Variants in IL12RB2 observed in about 807,000 individuals in gnomAD.
IL12RB2 encodes the protein interleukin 12 receptor subunit beta 2.
Under a neutral mutation model 89.4 loss-of-function variants are expected in IL12RB2, and 82 were observed. The ratio of observed to expected loss-of-function variants is 0.92; its 90% CI spans 0.77 to 1.10. The LOEUF (loss-of-function observed/expected upper bound fraction) is 1.10. Ranked by LOEUF, IL12RB2 falls within the 50% of genes least tolerant of loss-of-function variation. IL12RB2 has a pLI of 0.00. For synonymous variants in IL12RB2, 368 were observed against 370.1 expected (o/e 0.99, Z 0.07); for missense variants, 963 against 1,031.9 (o/e 0.93, Z 0.92).
At chr1:67,339,131 T>C (rs1288448682) in intron 9 of IL12RB2, among the ~76,000 whole-genome samples, 1 of 152,056 alleles carries the variant, frequency 6.6e-6, no homozygotes. Flanking sequence ...TGTTAAGTCA[T>C]TGAAGAGGGA....
intron 9 of IL12RB2, among the ~76,000 whole-genome samples, chr1:67,339,474 G>A (rs1347533233): frequency 6.9e-6 from 1 of 145,770 alleles, no homozygotes; most frequent in African/African-American, 2.6e-5. Context: ...GTGACAGAGT[G>A]AGACTACGTT....
In IL12RB2 at chr1:67,347,109, C is replaced by T. The variant is rs1270608007; in HGVS notation, c.1039-3761C>T. On this transcript the variant is annotated intron_variant, in intron 9 of 16. Transcript: ENST00000674203. ...AGGCTCAAAAAGGGAAAATAATTTG[C>T]CCAAGGTCATACAGCTGCTATGTGG... 2.0e-5 allele frequency among the ~76,000 whole-genome samples: 3 copies of T among 151,990 alleles called. No homozygotes were observed. The East Asian group carries it at 5.8e-4, about 29-fold the overall frequency.
chr1:67,390,020 T>C lies in IL12RB2; in HGVS notation c.1947-9T>C, dbSNP rs770579936. The C allele has an allele frequency of 5.6e-6, 6 of 1,072,936 alleles. No homozygotes were observed. The South Asian group carries it at 7.5e-5, about 13-fold the overall frequency. The allele number at this position is 1,072,936 out of a possible 1,614,324, so 66.5% of individuals were successfully genotyped here. ...CCTAAGGAAATGTCACTGTTTTCTT[T>C]ATCTATAGGGTGTTTGTTCTCCTAG... On this transcript the variant is annotated splice_polypyrimidine_tract_variant and intron_variant, in intron 15 of 16. Coordinates refer to ENST00000674203, the MANE Select transcript of IL12RB2 (RefSeq NM_001374259.2).
chr1:67,383,909 C>T (rs970294741), intron 14 of IL12RB2, among the ~76,000 whole-genome samples: 2 of 152,244 alleles, frequency 1.3e-5, no homozygotes, highest in Non-Finnish European at 2.9e-5. Context: ...GAGGTGGGCT[C>T]CCACAGCCTT....
At chr1:67,392,352 AT>A (rs1388001247) in intron 16 of IL12RB2, among the ~76,000 whole-genome samples, 1 of 152,176 alleles carries the variant, frequency 6.6e-6, no homozygotes, top group African/African-American at 2.4e-5. Context: ...AACTAAAAAA[AT>A]GACATAGATC....
chr1:67,359,463 T>C (rs1452387587), intron 10 of IL12RB2, among the ~76,000 whole-genome samples: 1 of 152,220 alleles, frequency 6.6e-6, no homozygotes, highest in Non-Finnish European at 1.5e-5. Context: ...GGCTTACACC[T>C]GTAATCCCAG....
In IL12RB2 at chr1:67,328,575, C is replaced by A. The variant is rs556767206; in HGVS notation, c.664+191C>A. Among the ~76,000 whole-genome samples, 171 of 152,258 alleles carry A rather than the reference C, an allele frequency of 1.1e-3. 4 individuals are homozygous for A. Among genetic ancestry groups the A allele is most frequent in the Non-Finnish European group, 1.8e-4 (12 of 68,020 alleles). Reference sequence around the variant, plus strand: ...TCTGAGCTATCTAAAGATGGCTATACAAAGTGGGATGTTCAACATTATTCT... The same window carrying A: ...TCTGAGCTATCTAAAGATGGCTATAAAAAGTGGGATGTTCAACATTATTCT... On this transcript the variant is annotated intron_variant, in intron 6 of 16. Transcript: ENST00000674203.
At position 67,398,063 on chromosome 1, in the gene IL12RB2, C is replaced by A. The variant is rs1188545982; in HGVS notation, c.*1974C>A. ...TTCCAAACTTAACACCTATAGTTCT[C>A]TCAGGCTTTTTTTGAAAAGTTCCTT... On this transcript the variant is annotated 3_prime_UTR_variant, in exon 17 of 17. Transcript: ENST00000674203. 1.3e-5 allele frequency among the ~76,000 whole-genome samples: 2 copies of A among 152,180 alleles called. No individual in the cohort carries two copies. Among genetic ancestry groups the A allele is most frequent in the Non-Finnish European group, 1.5e-5 (1 of 68,036 alleles).
intron 13 of IL12RB2, among the ~76,000 whole-genome samples, chr1:67,379,169 C>T (rs911591525): frequency 6.6e-6 from 1 of 151,376 alleles, no homozygotes; most frequent in Non-Finnish European, 1.5e-5. Flanking sequence ...TGCACTCTAG[C>T]CTGGGCGACA....
rs768955962 is a variant in IL12RB2, at chr1:67,321,787, C to G, written c.262C>G (p.Gln88Glu). The G allele has an allele frequency of 6.2e-7, 1 of 1,610,824 alleles. No homozygotes were observed. Among genetic ancestry groups the G allele is most frequent in the Admixed American group, 1.7e-5 (1 of 60,022 alleles). Residue 88 changes from glutamine to glutamate, a missense_variant, in exon 4 of 17, where the codon CAA (glutamine) becomes GAA (glutamate). Transcript: ENST00000674203. ...NFHHGHSLNS[Q>E]VTGLPLGTTL... ...TCACCATGGCCACTCCCTCAATTCT[C>G]AAGTCACAGGTCTTCCCCTTGGTAC...
In IL12RB2 at chr1:67,386,571, C is replaced by A; in HGVS notation, c.1856-8C>A. The A allele has an allele frequency of 6.2e-7, 1 of 1,603,660 alleles. No homozygotes were observed. Among genetic ancestry groups the A allele is most frequent in the Non-Finnish European group, 8.5e-7 (1 of 1,170,588 alleles). On this transcript the variant is annotated splice_polypyrimidine_tract_variant and splice_region_variant and intron_variant, in intron 14 of 16. Transcript: ENST00000674203. ...CTCACTCAGTCACAGGATTTCCTAACTTTTCAGGTAAAGCCAATTGGATGG... is the reference window on the plus strand; with the variant it reads ...CTCACTCAGTCACAGGATTTCCTAAATTTTCAGGTAAAGCCAATTGGATGG...
chr1:67,347,830 G>T (rs574878168), intron 9 of IL12RB2, among the ~76,000 whole-genome samples: 1 of 152,218 alleles, frequency 6.6e-6, no homozygotes, highest in African/African-American at 2.4e-5. Flanking sequence ...TCCCAGGGAT[G>T]CAAGACACAT....
At position 67,396,398 on chromosome 1, in the gene IL12RB2, A is replaced by G; in HGVS notation, c.*309A>G. ...CAGAAAGGGAAATGAGGAGGAGAGT[A>G]GAAACCACAGCTCTTAGTAGTAATG... is the stretch of plus-strand genomic sequence containing the variant. On this transcript the variant is annotated 3_prime_UTR_variant, in exon 17 of 17. Coordinates refer to ENST00000674203, the MANE Select transcript of IL12RB2 (RefSeq NM_001374259.2). 1 of 480,344 alleles carries G rather than the reference A, an allele frequency of 2.1e-6. No individual in the cohort carries two copies. Among genetic ancestry groups the G allele is most frequent in the Non-Finnish European group, 3.8e-6 (1 of 260,452 alleles). 29.8% of individuals were successfully genotyped at this position (480,344 alleles called of 1,614,324 possible). A position where few individuals can be genotyped will look rare whatever the true frequency, so the allele number is the denominator to read the frequency against.
chr1:67,344,786 G>A (rs1011026853), intron 9 of IL12RB2, among the ~76,000 whole-genome samples: 14 of 152,128 alleles, frequency 9.2e-5, no homozygotes, highest in Admixed American at 2.6e-4. Context: ...ATCTTGGCTC[G>A]GACTAGCCAT....
chr1:67,346,497 C>A (rs570004667), intron 9 of IL12RB2, among the ~76,000 whole-genome samples: 1 of 151,274 alleles, frequency 6.6e-6, no homozygotes, highest in East Asian at 2.0e-4. Context: ...AGCAATTCTC[C>A]CACCTCAGCC....
intron 11 of IL12RB2, among the ~76,000 whole-genome samples, chr1:67,368,369 A>G (rs554268712): frequency 1.3e-5 from 2 of 152,368 alleles, no homozygotes; most frequent in South Asian, 4.1e-4. Flanking sequence ...ATGATAATAC[A>G]TGAGGCCATC....
intron 1 of IL12RB2, among the ~76,000 whole-genome samples, chr1:67,310,733 GT>G (rs1180245339): frequency 6.6e-6 from 1 of 152,056 alleles, no homozygotes; most frequent in Non-Finnish European, 1.5e-5. Context: ...TTGTTTGTTT[GT>G]TTTTTGTTTT....
chr1:67,311,075 G>A (rs935757252), intron 1 of IL12RB2, among the ~76,000 whole-genome samples: 1 of 152,120 alleles, frequency 6.6e-6, no homozygotes, highest in Non-Finnish European at 1.5e-5. Flanking sequence ...TAGGCTGAGT[G>A]GTCAAGTGAT....
intron 13 of IL12RB2, 29 bp from the exon 14 acceptor site, chr1:67,379,957 A>T: frequency 6.5e-7 from 1 of 1,543,168 alleles, no homozygotes. Context: ...CCTTTAATAC[A>T]TGCCTTTCTT....
Sources: allele counts gnomAD v4.1 joint callset (sites outside exome capture counted in the v4.1 genomes callset), GRCh38; gene constraint gnomAD v4.1.1; transcripts MANE v1.5; gene names NCBI Gene and HGNC (gene_info 2026-07-23, HGNC 2026-07-21).